The following GPC6 variants were observed in gnomAD, a reference collection of about 807,000 sequenced individuals.
The protein encoded by GPC6 is glypican 6.
A neutral mutation model predicts 55.2 loss-of-function variants in GPC6; 14 were observed. The observed-to-expected ratio is 0.25, with a 90% CI of 0.17 to 0.40. GPC6 has a LOEUF of 0.40. Ranked by LOEUF, GPC6 falls within the 10% of genes least tolerant of loss-of-function variation. The probability of loss-of-function intolerance (pLI) is 1.00; values close to 1 mark genes in which losing one functional copy is unlikely to be tolerated. For synonymous variants in GPC6, 278 were observed against 259.6 expected, an observed-to-expected ratio of 1.07 and a Z score of -0.68; for missense variants, 641 against 708.5, an observed-to-expected ratio of 0.90 and a Z score of 1.08.
intron 4 of GPC6, among the ~76,000 whole-genome samples, chr13:94,143,293 C>T (rs918016212): frequency 1.3e-5 from 2 of 152,046 alleles, no homozygotes; most frequent in Non-Finnish European, 1.5e-5. Flanking sequence ...TTATTACCAG[C>T]AAAAAGAGAA....
chr13:94,192,706 C>T (rs116925812), intron 4 of GPC6, among the ~76,000 whole-genome samples: 1,553 of 152,296 alleles, frequency 0.01, 12 homozygotes, highest in Middle Eastern at 0.034. Flanking sequence ...AAAACTGCCT[C>T]ATGGGAAAGG....
intron 7 of GPC6, among the ~76,000 whole-genome samples, chr13:94,392,942 G>A (rs73553845): frequency 0.02 from 3,066 of 152,290 alleles, 96 homozygotes; most frequent in African/African-American, 0.07. Flanking sequence ...GAATTGCCAT[G>A]CAGTTTTCTG....
intron 6 of GPC6, among the ~76,000 whole-genome samples, chr13:94,330,638 A>G (rs956097888): frequency 9.9e-5 from 15 of 152,216 alleles, no homozygotes; most frequent in African/African-American, 2.9e-4. Context: ...CTGCATTTCA[A>G]CAAGATCCCA....
At chr13:94,018,211 G>A (rs559772242) in intron 3 of GPC6, among the ~76,000 whole-genome samples, 10 of 151,564 alleles carry the variant, frequency 6.6e-5, no homozygotes, top group East Asian at 1.9e-4. Context: ...TACTAGACAC[G>A]TATTATATTG....
intron 3 of GPC6, among the ~76,000 whole-genome samples, chr13:93,945,986 A>G (rs1878990038): frequency 6.6e-6 from 1 of 152,236 alleles, no homozygotes; most frequent in Admixed American, 6.5e-5. Context: ...ATATAACTAC[A>G]GACATGCTAC....
At chr13:93,874,986 C>G (rs1274190427) in intron 3 of GPC6, among the ~76,000 whole-genome samples, 3 of 151,942 alleles carry the variant, frequency 2.0e-5, no homozygotes, top group Non-Finnish European at 2.9e-5. Flanking sequence ...TCTATGTTGC[C>G]ACTGCATCTC....
At chr13:93,559,504 A>T (rs943133907) in intron 2 of GPC6, among the ~76,000 whole-genome samples, 1 of 152,186 alleles carries the variant, frequency 6.6e-6, no homozygotes, top group Non-Finnish European at 1.5e-5. Flanking sequence ...AATTTAGTAC[A>T]CAATTGACTT....
At chr13:94,388,049 A>G (rs1404807214) in intron 7 of GPC6, among the ~76,000 whole-genome samples, 1 of 152,172 alleles carries the variant, frequency 6.6e-6, no homozygotes, top group African/African-American at 2.4e-5. Flanking sequence ...GCAAGGCTTG[A>G]AGGCAGGATT....
chr13:93,743,109 C>A (rs1211349488), intron 2 of GPC6, among the ~76,000 whole-genome samples: 1 of 152,156 alleles, frequency 6.6e-6, no homozygotes, highest in African/African-American at 2.4e-5. Context: ...AGAAGAATAA[C>A]TTCCAAGAGT....
intron 4 of GPC6, among the ~76,000 whole-genome samples, chr13:94,266,785 C>T (rs968481439): frequency 2.6e-5 from 4 of 152,162 alleles, no homozygotes; most frequent in Non-Finnish European, 5.9e-5. Context: ...TCCTATATCT[C>T]ACAGGTACTC....
At chr13:94,074,632 G>A (rs1181643889) in intron 4 of GPC6, among the ~76,000 whole-genome samples, 2 of 152,176 alleles carry the variant, frequency 1.3e-5, no homozygotes, top group Non-Finnish European at 2.9e-5. Flanking sequence ...CGGAAGCAGA[G>A]CAGACAATTA....
intron 2 of GPC6, among the ~76,000 whole-genome samples, chr13:93,712,918 A>G (rs1214674547): frequency 6.6e-6 from 1 of 151,558 alleles, no homozygotes; most frequent in African/African-American, 2.4e-5. Context: ...TAATGTATTA[A>G]GCCGCATTTT....
At chr13:94,184,040 C>T (rs1338989470) in intron 4 of GPC6, among the ~76,000 whole-genome samples, 1 of 152,140 alleles carries the variant, frequency 6.6e-6, no homozygotes, top group Admixed American at 6.5e-5. Flanking sequence ...TGATAGTTGG[C>T]TAGCCATATG....
At chr13:93,947,886 T>G (rs1359429086) in intron 3 of GPC6, among the ~76,000 whole-genome samples, 3 of 152,204 alleles carry the variant, frequency 2.0e-5, no homozygotes, top group African/African-American at 4.8e-5. Context: ...TCTGAGCACG[T>G]AAGCCTCCGT....
intron 4 of GPC6, among the ~76,000 whole-genome samples, chr13:94,093,245 A>G (rs1015999337): frequency 1.3e-5 from 2 of 152,018 alleles, no homozygotes; most frequent in Non-Finnish European, 2.9e-5. Flanking sequence ...TTATAGTTTC[A>G]GGTCTTACAT....
At position 93,468,630 on chromosome 13, in the gene GPC6, GT is replaced by G. The variant is rs1291984452; in HGVS notation, c.161-76632del. On this transcript the variant is annotated intron_variant, in intron 1 of 8. Coordinates refer to ENST00000377047, the MANE Select transcript of GPC6 (RefSeq NM_005708.5). ...GCAATCAGAACAAACAAAGCCACAA[GT>G]GTGATATTCAGCAATGCACACAGCC... Among the ~76,000 whole-genome samples the G allele has an allele frequency of 2.0e-5, 3 of 152,080 alleles. No homozygotes were observed. The East Asian group carries it at 5.8e-4, about 29-fold the overall frequency.
rs534089364 is a variant in GPC6 at position 94,383,459 on chromosome 13, G to A, written c.1289+909G>A. ...AAGAAGGTGTGTGGTTGCCAGGAGC[G>A]GTGGCTCACGCCTGTAATCCCAACA... On this transcript the variant is annotated intron_variant, in intron 7 of 8. Transcript: ENST00000377047. Among the ~76,000 whole-genome samples, 6 of 152,302 alleles carry A rather than the reference G, an allele frequency of 3.9e-5. No homozygotes were observed. In the East Asian group the frequency reaches 7.7e-4, roughly 20 times the overall value.
the GPC6 span, among the ~76,000 whole-genome samples, chr13:93,218,979 C>T: frequency 7.9e-5 from 12 of 151,956 alleles, no homozygotes; most frequent in East Asian, 7.7e-4. Context: ...GGTATGTTAC[C>T]GGACTGATGT....
At chr13:93,948,895 A>T (rs1258674470) in intron 3 of GPC6, among the ~76,000 whole-genome samples, 1 of 152,148 alleles carries the variant, frequency 6.6e-6, no homozygotes, top group Non-Finnish European at 1.5e-5. Context: ...GACAGATAAA[A>T]TTGTTTTTCC....
Sources: allele counts gnomAD v4.1 joint callset (sites outside exome capture counted in the v4.1 genomes callset), GRCh38; gene constraint gnomAD v4.1.1; transcripts MANE v1.5; gene names NCBI Gene and HGNC (gene_info 2026-07-23, HGNC 2026-07-21).